Variants in HSD17B12 observed in about 807,000 individuals in gnomAD.
HSD17B12 encodes the protein hydroxysteroid 17-beta dehydrogenase 12.
A neutral mutation model predicts 39.3 loss-of-function variants in HSD17B12; 32 were observed. The ratio of observed to expected loss-of-function variants is 0.81; its 90% CI spans 0.61 to 1.09. HSD17B12 has a LOEUF of 1.09. Among genes scored for constraint, HSD17B12 ranks in the 50% least tolerant of loss-of-function variants. The probability of loss-of-function intolerance (pLI) is 0.00; values close to 1 mark genes in which losing one functional copy is unlikely to be tolerated. For synonymous variants in HSD17B12, 150 were observed against 146.7 expected (o/e 1.02, Z -0.16); for missense variants, 342 against 382.9 (o/e 0.89, Z 0.89).
chr11:43,702,559 A>G (rs148828221), intron 1 of HSD17B12, among the ~76,000 whole-genome samples: 1 of 152,334 alleles, frequency 6.6e-6, no homozygotes, highest in East Asian at 1.9e-4. Flanking sequence ...GCATTAATTC[A>G]TTTAATTCAT....
chr11:43,653,379 T>C, the HSD17B12 span, among the ~76,000 whole-genome samples: 3 of 152,064 alleles, frequency 2.0e-5, no homozygotes, highest in Non-Finnish European at 2.9e-5. Flanking sequence ...TTTGAGGTCT[T>C]GGTTGACGCA....
chr11:43,637,708 C>T, the HSD17B12 span, among the ~76,000 whole-genome samples: 1 of 152,130 alleles, frequency 6.6e-6, no homozygotes, highest in South Asian at 2.1e-4. Flanking sequence ...GGAGACTGTT[C>T]GTTCAGAAAA....
the HSD17B12 span, among the ~76,000 whole-genome samples, chr11:43,560,710 G>A: frequency 3.9e-5 from 6 of 152,166 alleles, no homozygotes; most frequent in African/African-American, 1.4e-4. Context: ...TACAAAACAC[G>A]GGTTCAAAGA....
the HSD17B12 span, among the ~76,000 whole-genome samples, chr11:43,635,304 G>A: frequency 6.6e-6 from 1 of 152,088 alleles, no homozygotes; most frequent in Non-Finnish European, 1.5e-5. Context: ...GCACAAGAGG[G>A]GAGCCTGGAT....
At chr11:43,562,094 G>A in the HSD17B12 span, among the ~76,000 whole-genome samples, 5 of 152,116 alleles carry the variant, frequency 3.3e-5, no homozygotes, top group African/African-American at 1.2e-4. Context: ...CATTATAATA[G>A]CTACCCCACA....
chr11:43,778,123 A>G (rs1032930907), intron 3 of HSD17B12, among the ~76,000 whole-genome samples: 2 of 152,192 alleles, frequency 1.3e-5, no homozygotes, highest in African/African-American at 4.8e-5. Context: ...GAAGAATCAA[A>G]TAGACACAAT....
the HSD17B12 span, among the ~76,000 whole-genome samples, chr11:43,623,204 A>T: frequency 6.6e-6 from 1 of 152,128 alleles, no homozygotes; most frequent in Admixed American, 6.6e-5. Context: ...AAGAGAAAAT[A>T]ATTTATTTAA....
At chr11:43,690,377 TATATATATATATATATATATA>T (rs1949844452) in intron 1 of HSD17B12, among the ~76,000 whole-genome samples, 1 of 9,984 alleles carries the variant, frequency 1.0e-4, no homozygotes, top group South Asian at 2.8e-3. Flanking sequence ...TATATATATA[TATATATATATATATATATATA>T]TATATATTTT....
chr11:43,807,581 T>A (rs1951031560), intron 4 of HSD17B12, among the ~76,000 whole-genome samples: 1 of 152,206 alleles, frequency 6.6e-6, no homozygotes, highest in Admixed American at 6.5e-5. Context: ...GAAACCATTT[T>A]AGAATTGTAA....
chr11:43,716,281 C>G (rs948008706), intron 1 of HSD17B12, among the ~76,000 whole-genome samples: 19 of 152,230 alleles, frequency 1.2e-4, no homozygotes, highest in African/African-American at 4.6e-4. Context: ...CAACCACAAA[C>G]CAGAACTTAT....
chr11:43,822,429 C>T (rs1194298010), intron 6 of HSD17B12, among the ~76,000 whole-genome samples: 1 of 152,062 alleles, frequency 6.6e-6, no homozygotes, highest in Non-Finnish European at 1.5e-5. Context: ...GTGTGCTGCA[C>T]CCATTAACTC....
At chr11:43,667,705 A>G in the HSD17B12 span, among the ~76,000 whole-genome samples, 2 of 152,148 alleles carry the variant, frequency 1.3e-5, no homozygotes, top group South Asian at 2.1e-4. Context: ...TTAATTTCAT[A>G]TAATATTTTA....
At chr11:43,824,870 C>T (rs1199203041) in intron 6 of HSD17B12, among the ~76,000 whole-genome samples, 1 of 152,216 alleles carries the variant, frequency 6.6e-6, no homozygotes, top group African/African-American at 2.4e-5. Context: ...GTGGCACGTG[C>T]CTGTAATCCC....
upstream of HSD17B12, among the ~76,000 whole-genome samples, chr11:43,676,284 T>A (rs1949694848): frequency 6.6e-6 from 1 of 151,850 alleles, no homozygotes; most frequent in South Asian, 2.1e-4. Flanking sequence ...GTTTGAAATG[T>A]TTATTTTATA....
intron 3 of HSD17B12, among the ~76,000 whole-genome samples, chr11:43,786,027 A>G (rs752728795): frequency 2.0e-4 from 31 of 152,186 alleles, no homozygotes; most frequent in Admixed American, 4.6e-4. Context: ...TGAAAACTCA[A>G]ATGTTATCAT....
the HSD17B12 span, among the ~76,000 whole-genome samples, chr11:43,615,380 C>A: frequency 6.6e-6 from 1 of 152,206 alleles, no homozygotes; most frequent in East Asian, 1.9e-4. Context: ...GATTCTTGTC[C>A]TGTGCATGCA....
intron 7 of HSD17B12, among the ~76,000 whole-genome samples, chr11:43,836,338 G>T (rs899101199): frequency 2.6e-5 from 4 of 152,198 alleles, no homozygotes; most frequent in African/African-American, 9.6e-5. Flanking sequence ...CTACAAGGAT[G>T]CTTAGGATGC....
At chr11:43,622,566 A>G in the HSD17B12 span, among the ~76,000 whole-genome samples, 2 of 152,176 alleles carry the variant, frequency 1.3e-5, no homozygotes, top group African/African-American at 4.8e-5. Context: ...GTATAAATAG[A>G]TAAAGTGATA....
chr11:43,588,610 CTAT>C, the HSD17B12 span, among the ~76,000 whole-genome samples: 256 of 144,976 alleles, frequency 1.8e-3, 1 homozygote, highest in South Asian at 0.018. Flanking sequence ...TTATTATTAG[CTAT>C]TATTATTATT....
Sources: allele counts gnomAD v4.1 joint callset (sites outside exome capture counted in the v4.1 genomes callset), GRCh38; gene constraint gnomAD v4.1.1; transcripts MANE v1.5; gene names NCBI Gene and HGNC (gene_info 2026-07-23, HGNC 2026-07-21).